CSN1S1: variants seen among roughly 807,000 people sequenced by gnomAD.
CSN1S1 encodes the protein casein alpha s1, also known as alpha-S1-casein.
CSN1S1 carries 63 observed loss-of-function variants against 49.1 expected under a neutral mutation model. The ratio of observed to expected loss-of-function variants is 1.28; its 90% confidence interval spans 1.05 to 1.58. CSN1S1 has a LOEUF of 1.58. Among genes scored for constraint, CSN1S1 ranks in the 40% most tolerant of loss-of-function variants. CSN1S1 has a pLI of 0.00. For missense variants in CSN1S1, 260 were observed against 224.7 expected (o/e 1.16, Z -1.01); for synonymous variants, 78 against 67.1 (o/e 1.16, Z -0.79).
At chr4:69,943,163 A>ATAT (rs3078677) in intron 14 of CSN1S1, among the ~76,000 whole-genome samples, 2,209 of 144,824 alleles carry the variant, frequency 0.015, 60 homozygotes, top group African/African-American at 0.046. Flanking sequence ...TTCCATGTGA[A>ATAT]TATTATTATT....
At chr4:69,932,211 A>G (rs1035046056) in intron 1 of CSN1S1, among the ~76,000 whole-genome samples, 16 of 151,888 alleles carry the variant, frequency 1.1e-4, no homozygotes, top group African/African-American at 3.9e-4. Context: ...TTTCAATTGT[A>G]TTTCAATATT....
At position 69,937,778 on chromosome 4, in the gene CSN1S1, T is replaced by A. The variant is rs368533751; in HGVS notation, c.220-22T>A. ...GACTATTTGTCATGAAAAATGAAATTGATTATTTTTTCTTTCTTAAGAACT... is the reference window on the plus strand; with the variant it reads ...GACTATTTGTCATGAAAAATGAAATAGATTATTTTTTCTTTCTTAAGAACT... On this transcript the variant is annotated intron_variant, in intron 8 of 15. Transcript: ENST00000246891. 3 of 1,578,322 alleles carry A rather than the reference T, an allele frequency of 1.9e-6. No individual in the cohort carries two copies. In the Admixed American group the frequency reaches 5.7e-5, roughly 30 times the overall value.
At position 69,935,911 on chromosome 4, in the gene CSN1S1, C is replaced by CTT. The variant is rs749035090; in HGVS notation, c.106-6_106-5dup. 63 of 1,307,148 alleles carry CTT rather than the reference C, an allele frequency of 4.8e-5. No homozygotes were observed. Among genetic ancestry groups the CTT allele is most frequent in the Admixed American group, 1.4e-4 (6 of 43,436 alleles). 81.0% of individuals were successfully genotyped at this position (1,307,148 alleles called of 1,614,324 possible). ...CAACTATGAATGAATTTTAACATAACTTTTTTTTTTGTAGCCTATACCATT... is the reference window on the plus strand; with the variant it reads ...CAACTATGAATGAATTTTAACATAACTTTTTTTTTTTTGTAGCCTATACCATT... On this transcript the variant is annotated splice_polypyrimidine_tract_variant and intron_variant, in intron 4 of 15. Transcript: ENST00000246891.
Position 69,937,797 on chromosome 4 carries a change from A to G in CSN1S1, c.220-3A>G. ...TGAAATTGATTATTTTTTCTTTCTT[A>G]AGAACTGTGTTGTGGCAGAGCCTGA... On this transcript the variant is annotated splice_region_variant and splice_polypyrimidine_tract_variant and intron_variant, in intron 8 of 15. Coordinates refer to ENST00000246891, the MANE Select transcript of CSN1S1 (RefSeq NM_001890.2). 2 of 1,592,286 alleles carry G rather than the reference A, an allele frequency of 1.3e-6. No homozygotes were observed. The highest frequency in any genetic ancestry group is 1.7e-6 in the Non-Finnish European group (2 of 1,171,800).
At chr4:69,939,879 C>T (rs1036048898) in intron 10 of CSN1S1, 142 bp from the exon 11 acceptor site, 1 of 532,360 alleles carries the variant, frequency 1.9e-6, no homozygotes, top group African/African-American at 2.0e-5. Context: ...AATTATTAAT[C>T]TTGTCTCAGT....
intron 14 of CSN1S1, 81 bp downstream of exon 14, chr4:69,942,658 C>G: frequency 9.2e-7 from 1 of 1,090,228 alleles, no homozygotes; most frequent in Middle Eastern, 2.5e-4. Context: ...GCCCCCTACT[C>G]TTGAAGAGAT....
intron 12 of CSN1S1, 63 bp downstream of exon 12, chr4:69,941,123 T>A (rs959080095): frequency 2.8e-6 from 2 of 713,636 alleles, no homozygotes; most frequent in Non-Finnish European, 4.3e-6. Flanking sequence ...CATATTAAAT[T>A]TTAAATTGGG....
intron 1 of CSN1S1, among the ~76,000 whole-genome samples, 178 bp from the exon 2 acceptor site, chr4:69,932,366 T>C (rs943413721): frequency 4.6e-5 from 7 of 151,938 alleles, no homozygotes; most frequent in Non-Finnish European, 7.4e-5. Flanking sequence ...ATGGTAAACA[T>C]TGATATTGAG....
Position 69,937,802 on chromosome 4 carries a change from C to A in CSN1S1, c.222C>A (p.Asn74Lys). 1 of 1,593,668 alleles carries A rather than the reference C, an allele frequency of 6.3e-7. No homozygotes were observed. Among genetic ancestry groups the A allele is most frequent in the Admixed American group, 1.8e-5 (1 of 55,340 alleles). ...IKDTRNESTQ[N>K]CVVAEPEKME... is the part of the protein sequence containing the mutation. ...TTGATTATTTTTTCTTTCTTAAGAACTGTGTTGTGGCAGAGCCTGAGGTAA... is the reference window on the plus strand; with the variant it reads ...TTGATTATTTTTTCTTTCTTAAGAAATGTGTTGTGGCAGAGCCTGAGGTAA... The change falls in exon 9 of 16, where the codon AAC becomes AAA. Residue 74 changes from asparagine (N) to lysine (K), a missense_variant and splice_region_variant. Transcript: ENST00000246891.
chr4:69,941,957 C>T, intron 12 of CSN1S1, 89 bp from the exon 13 acceptor site: 1 of 777,142 alleles, frequency 1.3e-6, no homozygotes, highest in Non-Finnish European at 2.0e-6. Flanking sequence ...TAACATTGTC[C>T]CTGAACAAAT....
chr4:69,940,953 T>A, intron 11 of CSN1S1, 66 bp from the exon 12 acceptor site: 1 of 787,462 alleles, frequency 1.3e-6, no homozygotes, highest in Non-Finnish European at 2.0e-6. Context: ...TGTTTCATCA[T>A]ATGAAAATGA....
At chr4:69,937,654 G>C in intron 8 of CSN1S1, 146 bp from the exon 9 acceptor site, 1 of 596,098 alleles carries the variant, frequency 1.7e-6, no homozygotes, top group South Asian at 2.5e-5. Context: ...CAGAGATAAA[G>C]TAGGCAGTTT....
intron 14 of CSN1S1, among the ~76,000 whole-genome samples, chr4:69,942,882 T>C (rs1723019592): frequency 6.6e-6 from 1 of 151,598 alleles, no homozygotes; most frequent in South Asian, 2.1e-4. Flanking sequence ...TTAAAGATAA[T>C]AACTGTATGT....
Position 69,934,728 on chromosome 4 carries a change from G to A in CSN1S1, c.105+18G>A. 1.2e-6 allele frequency: 2 copies of A among 1,605,358 alleles called. No individual in the cohort carries two copies. Among genetic ancestry groups the A allele is most frequent in the East Asian group, 2.2e-5 (1 of 44,628 alleles). Reference sequence around the variant, plus strand: ...GCAGTGAGGTAAGCTCTGTTTATGGGGAGTCAGGATTCTCTCTTCCTTTTG... The same window carrying A: ...GCAGTGAGGTAAGCTCTGTTTATGGAGAGTCAGGATTCTCTCTTCCTTTTG... On this transcript the variant is annotated intron_variant, in intron 4 of 15. Coordinates refer to ENST00000246891, the MANE Select transcript of CSN1S1 (RefSeq NM_001890.2).
At position 69,936,055 on chromosome 4, in the gene CSN1S1, A is replaced by G. The variant is rs114121495; in HGVS notation, c.129+106A>G. The G allele has an allele frequency of 1.3e-3, 1,151 of 891,476 alleles. 12 individuals are homozygous for G. The African/African-American group carries it at 0.018, about 14-fold the overall frequency. 55.2% of individuals were successfully genotyped at this position (891,476 alleles called of 1,614,324 possible). On this transcript the variant is annotated intron_variant, in intron 5 of 15. Coordinates refer to ENST00000246891, the MANE Select transcript of CSN1S1 (RefSeq NM_001890.2). ...TAAAACAAAGTGAAAGTCAAGGATAACAAATTTGAGTGGAACAAACTTAAA... is the reference window on the plus strand; with the variant it reads ...TAAAACAAAGTGAAAGTCAAGGATAGCAAATTTGAGTGGAACAAACTTAAA...
intron 9 of CSN1S1, among the ~76,000 whole-genome samples, chr4:69,938,425 T>A (rs555339651): frequency 9.5e-5 from 14 of 147,508 alleles, no homozygotes; most frequent in African/African-American, 3.4e-4. Flanking sequence ...ACCAACTTAA[T>A]AGTTTGTCAA....
At chr4:69,937,947 T>TAA in intron 9 of CSN1S1, 124 bp downstream of exon 9, 1 of 557,032 alleles carries the variant, frequency 1.8e-6, no homozygotes, top group Non-Finnish European at 2.9e-6. Context: ...TTTTAAAATG[T>TAA]TAACATTTTA....
At chr4:69,945,072 G>T (rs983702425) in intron 15 of CSN1S1, 68 bp downstream of exon 15, 1 of 1,517,510 alleles carries the variant, frequency 6.6e-7, no homozygotes, top group Non-Finnish European at 9.1e-7. Flanking sequence ...GCTTGGAGAG[G>T]ATACCATAAG....
Position 69,942,524 on chromosome 4 carries a change from C to A in CSN1S1, c.361-12C>A. On this transcript the variant is annotated splice_polypyrimidine_tract_variant and intron_variant, in intron 13 of 15. Transcript: ENST00000246891. ...TGTCTAAGTAATTTAGAATGTGTTTCCTTTTATGCAGGAGCAAATTCGCAG... is the reference window on the plus strand; with the variant it reads ...TGTCTAAGTAATTTAGAATGTGTTTACTTTTATGCAGGAGCAAATTCGCAG... 6.3e-7 allele frequency: 1 copy of A among 1,577,390 alleles called. No homozygotes were observed. The highest frequency in any genetic ancestry group is 8.6e-7 in the Non-Finnish European group (1 of 1,159,074).
Sources: gnomAD v4.1 joint callset for allele counts (sites outside exome capture counted in the v4.1 genomes callset) on GRCh38, gnomAD v4.1.1 for gene constraint, MANE v1.5 for transcripts, NCBI Gene and HGNC (gene_info 2026-07-23, HGNC 2026-07-21) for gene names.